NRXN2: variants seen among roughly 807,000 people sequenced by gnomAD.
NRXN2 encodes the protein neurexin-2-beta.
In NRXN2, 29 loss-of-function variants were observed where a neutral mutation model predicts 128.8. That is an observed-to-expected ratio of 0.23 (90% CI 0.17 to 0.31). NRXN2 has a LOEUF of 0.31. NRXN2 is among the 10% of genes least tolerant of loss of function. The pLI is 1.00. For missense variants in NRXN2, 1,881 were observed against 2,452.6 expected (o/e 0.77, Z 4.92); for synonymous variants, 1,098 against 1,075.2 (o/e 1.02, Z -0.41).
At chr11:64,613,452 C>T (rs1018794795) in intron 22 of NRXN2, among the ~76,000 whole-genome samples, 1 of 152,258 alleles carries the variant, frequency 6.6e-6, no homozygotes, top group Non-Finnish European at 1.5e-5. Flanking sequence ...ACTACATTTC[C>T]TGACATCCCC....
At chr11:64,618,505 G>A (rs1014034380) in intron 22 of NRXN2, among the ~76,000 whole-genome samples, 1 of 152,190 alleles carries the variant, frequency 6.6e-6, no homozygotes, top group African/African-American at 2.4e-5. Context: ...TTATGGGGCC[G>A]CTCATCACAG....
chr11:64,692,961 G>A (rs565826164), intron 3 of NRXN2, 85 bp from the exon 4 acceptor site: 69 of 1,183,432 alleles, frequency 5.8e-5, no homozygotes, highest in South Asian at 4.0e-5. Flanking sequence ...AAGAAAACAC[G>A]AGTCATCAAA....
chr11:64,660,468 C>T lies in NRXN2; in HGVS notation c.2253G>A (p.Thr751=), dbSNP rs770778054. 30 of 1,614,040 alleles carry T rather than the reference C, an allele frequency of 1.9e-5. No individual in the cohort carries two copies. Among genetic ancestry groups the T allele is most frequent in the African/African-American group, 4.0e-5 (3 of 74,912 alleles). The change falls in exon 11 of 23, where the codon ACG becomes ACA. Residue 751 remains threonine (T), a synonymous_variant. Coordinates refer to ENST00000265459, the MANE Select transcript of NRXN2 (RefSeq NM_015080.4). The surrounding 1 kb of genome is among the most constrained non-coding windows in gnomAD (Gnocchi z 5.2). The stretch of plus-strand genomic sequence containing the variant: ...AACGCAGGGACACATCCTCTGCCTC[C>T]GTGTGCATGGCGTTAGGCAGCATGA... ...MKIMLPNAMH[T]EAEDVSLRFM...
intron 7 of NRXN2, chr11:64,675,677 G>C (rs1387085130): frequency 6.6e-6 from 1 of 152,670 alleles, no homozygotes; most frequent in Non-Finnish European, 1.5e-5. Flanking sequence ...TCTGAGGCAA[G>C]GCAAGGAGCA....
At chr11:64,662,101 A>G (rs1230545240) in intron 9 of NRXN2, among the ~76,000 whole-genome samples, 1 of 151,620 alleles carries the variant, frequency 6.6e-6, no homozygotes, top group Non-Finnish European at 1.5e-5. Context: ...AAAAAAAAAA[A>G]AAAAAAATTA....
intron 6 of NRXN2, among the ~76,000 whole-genome samples, chr11:64,682,636 G>A (rs746748025): frequency 2.6e-5 from 4 of 152,244 alleles, no homozygotes; most frequent in Non-Finnish European, 5.9e-5. Context: ...GTGATATTTC[G>A]ATAGCCAGCT....
intron 3 of NRXN2, among the ~76,000 whole-genome samples, chr11:64,696,216 C>G (rs139326912): frequency 1.3e-5 from 2 of 152,140 alleles, no homozygotes; most frequent in African/African-American, 4.8e-5. Flanking sequence ...TTATCTCCAG[C>G]CCTCAGAAGG....
chr11:64,629,882 G>C (rs1057213755), intron 19 of NRXN2, among the ~76,000 whole-genome samples: 1 of 151,992 alleles, frequency 6.6e-6, no homozygotes, highest in Non-Finnish European at 1.5e-5. Flanking sequence ...CTCTTCCTTC[G>C]TTAGATCTCC....
At position 64,667,965 on chromosome 11, in the gene NRXN2, A is replaced by C. The variant is rs2050115025; in HGVS notation, c.1360-277T>G. Among the ~76,000 whole-genome samples, 1 of 152,188 alleles carries C rather than the reference A, an allele frequency of 6.6e-6. No homozygotes were observed. Among genetic ancestry groups the C allele is most frequent in the Non-Finnish European group, 1.5e-5 (1 of 68,032 alleles). ...CAGTGCCCACTAAATTGCAGTTCAT[A>C]ATAATGACAAGGCCACTGACGTGTG... On this transcript the variant is annotated intron_variant, in intron 8 of 22. Transcript: ENST00000265459. The surrounding 1 kb of genome is among the most constrained non-coding windows in gnomAD (Gnocchi z 5.6).
intron 11 of NRXN2, among the ~76,000 whole-genome samples, chr11:64,656,367 C>T (rs1243065523): frequency 9.3e-6 from 1 of 107,168 alleles, no homozygotes. Context: ...CCGTTTGATT[C>T]CAAGGGGCAG....
At chr11:64,617,747 C>A (rs193217026) in intron 22 of NRXN2, among the ~76,000 whole-genome samples, 11 of 152,222 alleles carry the variant, frequency 7.2e-5, no homozygotes, top group Non-Finnish European at 1.3e-4. Flanking sequence ...AGGCTCTGGG[C>A]GGCATGGCAT....
Position 64,660,992 on chromosome 11 carries a change from G to A in NRXN2, c.1946C>T (p.Ala649Val). 6.2e-7 allele frequency: 1 copy of A among 1,613,832 alleles called. No homozygotes were observed. The highest frequency in any genetic ancestry group is 8.5e-7 in the Non-Finnish European group (1 of 1,180,008). Residue 649 changes from alanine (A) to valine (V), a missense_variant, in exon 10 of 23, where the codon GCA becomes GTA. By Grantham distance (64) the Ala-to-Val change is moderately conservative (BLOSUM62 0). Coordinates refer to ENST00000265459, the MANE Select transcript of NRXN2 (RefSeq NM_015080.4). This position sits in a 1 kb window ranked among gnomAD's most constrained non-coding sequence, Gnocchi z 5.2. ...ACAGCCCACGTAGCCTGCCCGGAGTGCTGCTGTCCACACCTCTGGGGGCAG... is the reference window on the plus strand; with the variant it reads ...ACAGCCCACGTAGCCTGCCCGGAGTACTGCTGTCCACACCTCTGGGGGCAG... ...LPLPPEVWTA[A>V]LRAGYVGCVR...
At chr11:64,610,535 C>A (rs1442067146) in intron 22 of NRXN2, among the ~76,000 whole-genome samples, 2 of 152,150 alleles carry the variant, frequency 1.3e-5, no homozygotes, top group Non-Finnish European at 2.9e-5. Context: ...TGACAGAACA[C>A]CTGTTCTGTC....
chr11:64,689,371 C>T (rs2053524668), intron 5 of NRXN2, among the ~76,000 whole-genome samples: 1 of 151,964 alleles, frequency 6.6e-6, no homozygotes, highest in African/African-American at 2.4e-5. Flanking sequence ...TGCCTGGCCT[C>T]AATGAATAAA....
intron 2 of NRXN2, among the ~76,000 whole-genome samples, chr11:64,698,277 T>C (rs2054828668): frequency 6.6e-6 from 1 of 152,086 alleles, no homozygotes; most frequent in Admixed American, 6.5e-5. Flanking sequence ...CTGACACACA[T>C]AGGCACTTAG....
intron 22 of NRXN2, among the ~76,000 whole-genome samples, chr11:64,616,625 A>C (rs372952729): frequency 2.8e-4 from 43 of 152,188 alleles, no homozygotes; most frequent in African/African-American, 6.0e-4. Context: ...ATTCACACAC[A>C]CTCAGGTCTG....
chr11:64,634,688 C>T (rs982577304), intron 18 of NRXN2, among the ~76,000 whole-genome samples: 3 of 151,942 alleles, frequency 2.0e-5, no homozygotes, highest in Non-Finnish European at 4.4e-5. Flanking sequence ...GTGAACCTGG[C>T]TAGAGAGGCA....
At chr11:64,653,487 C>G (rs1167535702) in intron 12 of NRXN2, among the ~76,000 whole-genome samples, 1 of 152,150 alleles carries the variant, frequency 6.6e-6, no homozygotes, top group Non-Finnish European at 1.5e-5. Context: ...TCCCCCAGCT[C>G]TCCTTGGCTC....
In NRXN2 at chr11:64,607,966, C is replaced by T. The variant is rs2039954689; in HGVS notation, c.4369G>A (p.Gly1457Ser). 6.5e-7 allele frequency: 1 copy of T among 1,544,186 alleles called. No homozygotes were observed. Among genetic ancestry groups the T allele is most frequent in the Admixed American group, 2.0e-5 (1 of 50,722 alleles). The change falls in exon 23 of 23, where the codon GGC becomes AGC. Residue 1457 changes from glycine to serine, a missense_variant. Physicochemically the swap from Gly to Ser is moderately conservative, Grantham distance 56. Coordinates refer to ENST00000265459, the MANE Select transcript of NRXN2 (RefSeq NM_015080.4). ...GGGGGCAGCGTGTCTTGGGTGGCGC[C>T]CACTCCCGTGAGGAAGGGGTAGAAG... is the stretch of plus-strand genomic sequence containing the variant. Reference protein sequence around the residue: ...PTFYPFLTGVGATQDTLPPPA... With the variant: ...PTFYPFLTGVSATQDTLPPPA...
Sources: gnomAD v4.1 joint callset for allele counts (sites outside exome capture counted in the v4.1 genomes callset) on GRCh38, gnomAD v4.1.1 for gene constraint, Gnocchi (gnomAD v3.1) non-coding constraint, MANE v1.5 for transcripts, NCBI Gene and HGNC (gene_info 2026-07-23, HGNC 2026-07-21) for gene names.